KATNBL1: variants seen among roughly 807,000 people sequenced by gnomAD.
KATNBL1 encodes katanin regulatory subunit B1 like 1, also known as KATNB1-like protein 1.
A neutral mutation model predicts 44.7 loss-of-function variants in KATNBL1; 28 were observed. The observed-to-expected ratio is 0.63, with a 90% CI of 0.46 to 0.86. KATNBL1 has a LOEUF of 0.86. Ranked by LOEUF, KATNBL1 falls within the 40% of genes least tolerant of loss-of-function variation. The probability of loss-of-function intolerance (pLI) is 0.00; values close to 1 mark genes in which losing one functional copy is unlikely to be tolerated. For synonymous variants in KATNBL1, 78 were observed against 114.9 expected, an observed-to-expected ratio of 0.68 and a Z score of 2.06; for missense variants, 272 against 350.7, an observed-to-expected ratio of 0.78 and a Z score of 1.79.
intron 2 of KATNBL1, among the ~76,000 whole-genome samples, chr15:34,159,948 G>A (rs1406667882): frequency 6.6e-5 from 10 of 152,070 alleles, no homozygotes; most frequent in Non-Finnish European, 7.4e-5. Context: ...ACTGAGGAGC[G>A]AGCTGCTCCT....
At chr15:34,155,210 G>A (rs1278449105) in intron 2 of KATNBL1, among the ~76,000 whole-genome samples, 1 of 152,194 alleles carries the variant, frequency 6.6e-6, no homozygotes, top group Non-Finnish European at 1.5e-5. Context: ...GAGGAACTCA[G>A]AACTCACTGT....
intron 9 of KATNBL1, chr15:34,145,179 G>A (rs1597421856): frequency 3.7e-6 from 5 of 1,347,038 alleles, no homozygotes; most frequent in Non-Finnish European, 3.9e-6. Flanking sequence ...TAGCATTTCA[G>A]GGGCTGTACA....
chr15:34,206,787 G>A (rs1285146931), intron 1 of KATNBL1, among the ~76,000 whole-genome samples: 3 of 147,148 alleles, frequency 2.0e-5, no homozygotes, highest in Non-Finnish European at 3.0e-5. Context: ...GCAAGACTCC[G>A]TCTCAAAAAA....
chr15:34,190,341 C>T (rs1227360243), intron 1 of KATNBL1, among the ~76,000 whole-genome samples: 1 of 152,138 alleles, frequency 6.6e-6, no homozygotes, highest in East Asian at 1.9e-4. Context: ...AAAAGAGGAA[C>T]AGATTACTAA....
intron 1 of KATNBL1, among the ~76,000 whole-genome samples, chr15:34,197,212 G>C (rs1274638874): frequency 1.3e-5 from 2 of 152,164 alleles, no homozygotes; most frequent in African/African-American, 4.8e-5. Flanking sequence ...GTTTGCTTTT[G>C]AAAAATTTAA....
rs1298513683 is a variant in KATNBL1 at position 34,140,721 on chromosome 15, G to T, written c.*1618C>A. 6.6e-6 allele frequency: 1 copy of T among 152,076 alleles called. No individual in the cohort carries two copies. The highest frequency in any genetic ancestry group is 1.5e-5 in the Non-Finnish European group (1 of 67,982). The allele number at this position is 152,076 out of a possible 1,614,324, so 9.4% of individuals were successfully genotyped here. ...TTTATCATGTTAAAAGTTTCACAGAGATAACAGGTTTACAATTCAAATTCC... is the reference window on the plus strand; with the variant it reads ...TTTATCATGTTAAAAGTTTCACAGATATAACAGGTTTACAATTCAAATTCC... On this transcript the variant is annotated 3_prime_UTR_variant, in exon 10 of 10. Coordinates refer to ENST00000256544, the MANE Select transcript of KATNBL1 (RefSeq NM_024713.3).
chr15:34,177,961 T>C (rs1889385762), intron 1 of KATNBL1: 1 of 152,224 alleles, frequency 6.6e-6, no homozygotes, highest in African/African-American at 2.4e-5. Flanking sequence ...TGTGTAGTTA[T>C]CTCTCAAGAA....
chr15:34,146,391 C>T (rs376577520), intron 8 of KATNBL1: 9 of 167,110 alleles, frequency 5.4e-5, no homozygotes, highest in East Asian at 5.0e-4. Flanking sequence ...ACATCAACAC[C>T]GGACTCTCAG....
At chr15:34,199,323 G>A (rs1890107548) in intron 1 of KATNBL1, among the ~76,000 whole-genome samples, 1 of 152,142 alleles carries the variant, frequency 6.6e-6, no homozygotes, top group South Asian at 2.1e-4. Flanking sequence ...TCGAGTCCCA[G>A]CTACTCTGGA....
chr15:34,182,087 G>A (rs544982928), intron 1 of KATNBL1, among the ~76,000 whole-genome samples: 83 of 151,832 alleles, frequency 5.5e-4, no homozygotes, highest in African/African-American at 2.0e-3. Context: ...ATTAAACAAC[G>A]AAAACAAGTA....
chr15:34,175,522 G>C (rs7173244), intron 1 of KATNBL1, among the ~76,000 whole-genome samples: 1 of 151,974 alleles, frequency 6.6e-6, no homozygotes, highest in Non-Finnish European at 1.5e-5. Context: ...TATTTCTTCA[G>C]AGGCTAAAAC....
intron 1 of KATNBL1, among the ~76,000 whole-genome samples, chr15:34,203,402 C>G (rs1458882848): frequency 3.9e-5 from 6 of 152,208 alleles, no homozygotes; most frequent in Non-Finnish European, 4.4e-5. Context: ...TTCAGCCACA[C>G]TGGCCTTCTG....
chr15:34,147,001 A>G (rs1284016696), intron 7 of KATNBL1, 151 bp from the exon 8 acceptor site: 11 of 645,784 alleles, frequency 1.7e-5, no homozygotes, highest in Non-Finnish European at 2.5e-5. Flanking sequence ...ACACAAAAGT[A>G]TATTTCATGT....
In KATNBL1 at chr15:34,195,693, A is replaced by AAAAAAAAAAAAAAAAAAAAAAAC. The variant is rs1359933138; in HGVS notation, c.-15+14257_-15+14258insGTTTTTTTTTTTTTTTTTTTTTT. 2.1e-3 allele frequency among the ~76,000 whole-genome samples: 318 copies of AAAAAAAAAAAAAAAAAAAAAAAC among 150,174 alleles called. 3 individuals are homozygous for AAAAAAAAAAAAAAAAAAAAAAAC. The highest frequency in any genetic ancestry group is 7.6e-3 in the African/African-American group (306 of 40,144). ...GCAACAGAGAGAGACGCCATCTCAA[A>AAAAAAAAAAAAAAAAAAAAAAAC]AAAAAAAAAAACCCAAAAAACAAAC... On this transcript the variant is annotated intron_variant, in intron 1 of 9. Transcript: ENST00000256544.
intron 1 of KATNBL1, among the ~76,000 whole-genome samples, chr15:34,186,647 C>A (rs540705730): frequency 1.3e-4 from 20 of 152,336 alleles, no homozygotes; most frequent in Non-Finnish European, 2.5e-4. Context: ...GCAGTCTACA[C>A]CCTTGGGCGC....
intron 1 of KATNBL1, among the ~76,000 whole-genome samples, chr15:34,173,324 A>G (rs1450576204): frequency 6.6e-6 from 1 of 152,222 alleles, no homozygotes; most frequent in African/African-American, 2.4e-5. Flanking sequence ...TCACAGTAGT[A>G]GGGAAGCTAG....
chr15:34,183,714 T>C (rs1457749721), intron 1 of KATNBL1, among the ~76,000 whole-genome samples: 2 of 152,174 alleles, frequency 1.3e-5, no homozygotes, highest in Non-Finnish European at 2.9e-5. Context: ...AGAGAATATT[T>C]TGATGTTCAA....
At chr15:34,189,343 C>A (rs1337022578) in intron 1 of KATNBL1, among the ~76,000 whole-genome samples, 1 of 152,164 alleles carries the variant, frequency 6.6e-6, no homozygotes, top group Non-Finnish European at 1.5e-5. Flanking sequence ...ATATTAATAC[C>A]ACATCTATGT....
At chr15:34,189,322 C>A (rs1889809936) in intron 1 of KATNBL1, among the ~76,000 whole-genome samples, 1 of 152,196 alleles carries the variant, frequency 6.6e-6, no homozygotes, top group Non-Finnish European at 1.5e-5. Flanking sequence ...CTGCACCTGG[C>A]CCTGGAACAC....
Sources: allele counts gnomAD v4.1 joint callset (sites outside exome capture counted in the v4.1 genomes callset), GRCh38; gene constraint gnomAD v4.1.1; transcripts MANE v1.5; gene names NCBI Gene and HGNC (gene_info 2026-07-23, HGNC 2026-07-21).